Variants in BTRC observed in about 807,000 individuals in gnomAD.
BTRC encodes the protein beta-transducin repeat containing E3 ubiquitin protein ligase.
BTRC carries 42 observed loss-of-function variants against 85.5 expected under a neutral mutation model. The ratio of observed to expected loss-of-function variants is 0.49; its 90% CI spans 0.38 to 0.64. BTRC has a LOEUF of 0.64. BTRC is among the 30% of genes least tolerant of loss of function. The pLI, the probability that BTRC is intolerant of heterozygous loss-of-function variation, is 0.00. For missense variants in BTRC, 594 were observed against 743.5 expected, an observed-to-expected ratio of 0.80 and a Z score of 2.34; for synonymous variants, 255 against 263.3, an observed-to-expected ratio of 0.97 and a Z score of 0.30.
chr10:101,550,293 A>AT (rs954333385), intron 13 of BTRC, among the ~76,000 whole-genome samples: 9 of 147,766 alleles, frequency 6.1e-5, no homozygotes, highest in East Asian at 2.0e-4. Context: ...TTTTTATTTT[A>AT]TTTTTTTTTT....
intron 1 of BTRC, among the ~76,000 whole-genome samples, chr10:101,371,351 T>C (rs1295127411): frequency 6.6e-6 from 1 of 152,164 alleles, no homozygotes; most frequent in Non-Finnish European, 1.5e-5. Context: ...CTAATTTTTG[T>C]ATTTTTAGTA....
chr10:101,416,316 G>T (rs1417689736), intron 1 of BTRC, among the ~76,000 whole-genome samples: 1 of 151,912 alleles, frequency 6.6e-6, no homozygotes, highest in Non-Finnish European at 1.5e-5. Context: ...GTTTTTGTTT[G>T]TTTTTTAATT....
chr10:101,541,151 A>G (rs1409774856), intron 13 of BTRC, among the ~76,000 whole-genome samples: 1 of 151,658 alleles, frequency 6.6e-6, no homozygotes, highest in East Asian at 1.9e-4. Flanking sequence ...GTTAAAAACA[A>G]TTGGTAAGAG....
chr10:101,456,019 A>ACACACACACACACACACACACACACACAC (rs1564784013), intron 2 of BTRC, among the ~76,000 whole-genome samples: 1 of 6,782 alleles, frequency 1.5e-4, no homozygotes, highest in African/African-American at 5.7e-4. Flanking sequence ...CACACACACA[A>ACACACACACACACACACACACACACACAC]AATTAGCTGG....
At chr10:101,386,520 G>A (rs1430467797) in intron 1 of BTRC, among the ~76,000 whole-genome samples, 1 of 152,148 alleles carries the variant, frequency 6.6e-6, no homozygotes, top group African/African-American at 2.4e-5. Flanking sequence ...GTACACTTTG[G>A]CCAGAAAACC....
At position 101,526,011 on chromosome 10, in the gene BTRC, A is replaced by G; in HGVS notation, c.557-2A>G. The G allele has an allele frequency of 1.2e-6, 2 of 1,612,430 alleles. No individual in the cohort carries two copies. The highest frequency in any genetic ancestry group is 1.7e-6 in the Non-Finnish European group (2 of 1,178,900). ...TTCTTTGCCTCCTCCCCCTACTGAA[A>G]GCTCGGGGATTGGATCATATTGCTG... On this transcript the variant is annotated splice_acceptor_variant, in intron 5 of 14. Coordinates refer to ENST00000370187, the MANE Select transcript of BTRC (RefSeq NM_033637.4). LOFTEE classifies it high-confidence loss of function.
At chr10:101,488,822 T>A (rs1318129020) in intron 4 of BTRC, among the ~76,000 whole-genome samples, 1 of 152,150 alleles carries the variant, frequency 6.6e-6, no homozygotes, top group African/African-American at 2.4e-5. Flanking sequence ...CCCACCTGGG[T>A]ACAGAATTGG....
chr10:101,456,434 AGGATTT>A (rs1945086100), intron 2 of BTRC, among the ~76,000 whole-genome samples: 1 of 152,250 alleles, frequency 6.6e-6, no homozygotes, highest in African/African-American at 2.4e-5. Context: ...ACTGACTCTG[AGGATTT>A]AAGTCTAGGA....
At chr10:101,456,655 G>C (rs912703454) in intron 2 of BTRC, among the ~76,000 whole-genome samples, 1 of 152,088 alleles carries the variant, frequency 6.6e-6, no homozygotes, top group Non-Finnish European at 1.5e-5. Flanking sequence ...TCTAATGCAG[G>C]AGCTTTAGCA....
chr10:101,447,877 T>C (rs950142803), intron 2 of BTRC, among the ~76,000 whole-genome samples: 2 of 138,732 alleles, frequency 1.4e-5, no homozygotes, highest in Admixed American at 7.3e-5. Context: ...ATCTTGATTG[T>C]TTATCACTTT....
At chr10:101,547,443 C>T (rs537556658) in intron 13 of BTRC, among the ~76,000 whole-genome samples, 22 of 140,802 alleles carry the variant, frequency 1.6e-4, no homozygotes, top group African/African-American at 5.8e-4. Context: ...TGGGTGCAAG[C>T]TATTCTCCTG....
intron 1 of BTRC, among the ~76,000 whole-genome samples, chr10:101,403,864 G>T: frequency 6.6e-6 from 1 of 151,184 alleles, no homozygotes; most frequent in Non-Finnish European, 1.5e-5. Flanking sequence ...CAAAGTGCTG[G>T]GATTATAGGT....
intron 1 of BTRC, among the ~76,000 whole-genome samples, chr10:101,391,996 T>G (rs1221037722): frequency 6.6e-6 from 1 of 152,210 alleles, no homozygotes; most frequent in Non-Finnish European, 1.5e-5. Context: ...CTTTTTTTTT[T>G]TGAGACGGAG....
intron 1 of BTRC, among the ~76,000 whole-genome samples, chr10:101,422,692 G>A (rs963355423): frequency 6.6e-6 from 1 of 152,192 alleles, no homozygotes; most frequent in African/African-American, 2.4e-5. Flanking sequence ...TATATGGCTA[G>A]CCAGTTTTCC....
At chr10:101,504,740 T>G (rs1277890540) in intron 4 of BTRC, among the ~76,000 whole-genome samples, 1 of 151,642 alleles carries the variant, frequency 6.6e-6, no homozygotes, top group East Asian at 1.9e-4. Context: ...TTCTCCTCTT[T>G]CCTCCCCTCC....
chr10:101,370,254 T>G (rs933623595), intron 1 of BTRC, among the ~76,000 whole-genome samples: 2 of 151,910 alleles, frequency 1.3e-5, no homozygotes, highest in African/African-American at 4.8e-5. Flanking sequence ...CCTGAGCATC[T>G]GGGACTACAG....
At chr10:101,378,588 G>A (rs550986586) in intron 1 of BTRC, among the ~76,000 whole-genome samples, 2 of 146,970 alleles carry the variant, frequency 1.4e-5, no homozygotes, top group South Asian at 2.2e-4. Flanking sequence ...GCAGTGGCGC[G>A]ATCTTGGTGC....
intron 3 of BTRC, among the ~76,000 whole-genome samples, chr10:101,464,472 T>TC (rs1945316302): frequency 1.3e-5 from 2 of 152,190 alleles, no homozygotes; most frequent in South Asian, 4.2e-4. Context: ...GTTGTTTTTT[T>TC]CATTGCCGTT....
chr10:101,476,640 T>A (rs991161393), intron 3 of BTRC, among the ~76,000 whole-genome samples: 12 of 151,724 alleles, frequency 7.9e-5, no homozygotes, highest in Non-Finnish European at 1.3e-4. Flanking sequence ...TTTTTTTTTT[T>A]AAATAGAAAT....
Sources: gnomAD v4.1 joint callset for allele counts (sites outside exome capture counted in the v4.1 genomes callset) on GRCh38, gnomAD v4.1.1 for gene constraint, MANE v1.5 for transcripts, NCBI Gene and HGNC (gene_info 2026-07-23, HGNC 2026-07-21) for gene names.